HIF1A: variants seen among roughly 807,000 people sequenced by gnomAD.
HIF1A encodes hypoxia inducible factor 1 subunit alpha, also known as hypoxia-inducible factor 1-alpha.
Under a neutral mutation model 92.7 loss-of-function variants are expected in HIF1A, and 24 were observed. The ratio of observed to expected loss-of-function variants is 0.26; its 90% CI spans 0.19 to 0.36. HIF1A has a LOEUF of 0.36. Ranked by LOEUF, HIF1A falls within the 10% of genes least tolerant of loss-of-function variation. The pLI is 1.00. For missense variants in HIF1A, 799 were observed against 998.5 expected, an observed-to-expected ratio of 0.80 and a Z score of 2.69; for synonymous variants, 319 against 338.7, an observed-to-expected ratio of 0.94 and a Z score of 0.64.
intron 7 of HIF1A, among the ~76,000 whole-genome samples, chr14:61,732,778 T>C (rs1025390012): frequency 2.6e-5 from 4 of 152,220 alleles, no homozygotes; most frequent in African/African-American, 9.6e-5. Context: ...CCAAATATTA[T>C]AGAGTATTGA....
intron 14 of HIF1A, among the ~76,000 whole-genome samples, chr14:61,746,396 T>TC (rs71117852): frequency 0.63 from 82,571 of 130,378 alleles, 30,248 homozygotes; most frequent in East Asian, 0.79. Flanking sequence ...TGACTTCTTT[T>TC]TTTTTTTTTT....
intron 1 of HIF1A, among the ~76,000 whole-genome samples, chr14:61,702,402 T>C (rs1024089335): frequency 4.1e-5 from 6 of 147,922 alleles, no homozygotes; most frequent in African/African-American, 1.0e-4. Flanking sequence ...ATCGCGCCAC[T>C]GCACTCCAGC....
At chr14:61,735,838 C>G (rs946552456) in intron 8 of HIF1A, among the ~76,000 whole-genome samples, 2 of 152,118 alleles carry the variant, frequency 1.3e-5, no homozygotes, top group Non-Finnish European at 2.9e-5. Flanking sequence ...TTAGATCATG[C>G]CTCACATATT....
intron 13 of HIF1A, among the ~76,000 whole-genome samples, chr14:61,745,204 C>A (rs1374422731): frequency 2.0e-5 from 3 of 152,140 alleles, no homozygotes; most frequent in Non-Finnish European, 4.4e-5. Context: ...ATGAGGATCA[C>A]TTGAGGTCAG....
intron 1 of HIF1A, among the ~76,000 whole-genome samples, chr14:61,712,713 AG>A (rs756739684): frequency 7.3e-5 from 11 of 151,642 alleles, no homozygotes; most frequent in Non-Finnish European, 1.3e-4. Flanking sequence ...AGCACAAATC[AG>A]GGATTCCCAA....
intron 1 of HIF1A, among the ~76,000 whole-genome samples, chr14:61,719,980 T>C (rs1342513215): frequency 6.6e-6 from 1 of 152,242 alleles, no homozygotes; most frequent in African/African-American, 2.4e-5. Context: ...TGTACAACTT[T>C]AGGTAGTTTC....
intron 1 of HIF1A, among the ~76,000 whole-genome samples, chr14:61,712,774 CAT>C (rs1380866411): frequency 6.6e-6 from 1 of 151,118 alleles, no homozygotes; most frequent in Non-Finnish European, 1.5e-5. Flanking sequence ...AAATCAAAGT[CAT>C]AGCAGATTTG....
intron 4 of HIF1A, among the ~76,000 whole-genome samples, chr14:61,725,166 T>C (rs1447895010): frequency 6.6e-6 from 1 of 152,210 alleles, no homozygotes; most frequent in Non-Finnish European, 1.5e-5. Context: ...CTAGAAATTA[T>C]CTTCTAAGCT....
At chr14:61,744,882 TGTGTGTGTGTGTTTCCAC>T in intron 13 of HIF1A, 69 bp downstream of exon 13, 2 of 649,920 alleles carry the variant, frequency 3.1e-6, no homozygotes, top group Admixed American at 2.8e-5. Context: ...TGTGTGTGTG[TGTGTGTGTGTGTTTCCAC>T]GTTTCTTCCA....
chr14:61,707,178 G>C (rs913738741), intron 1 of HIF1A, among the ~76,000 whole-genome samples: 2 of 152,148 alleles, frequency 1.3e-5, no homozygotes, highest in Admixed American at 1.3e-4. Flanking sequence ...GCTCAGAGTG[G>C]TCCCCAGATT....
intron 4 of HIF1A, 43 bp from the exon 5 acceptor site, chr14:61,726,663 G>A (rs760671313): frequency 1.1e-5 from 14 of 1,223,324 alleles, no homozygotes; most frequent in Non-Finnish European, 1.5e-5. Context: ...TAACAAATTT[G>A]TATATTTAGT....
chr14:61,739,082 T>C (rs2044674893), intron 10 of HIF1A, among the ~76,000 whole-genome samples: 1 of 152,158 alleles, frequency 6.6e-6, no homozygotes, highest in Non-Finnish European at 1.5e-5. Context: ...AACTGTCTGG[T>C]AGCAATAGAC....
intron 4 of HIF1A, among the ~76,000 whole-genome samples, chr14:61,725,907 C>T (rs1159638147): frequency 6.6e-6 from 1 of 151,716 alleles, no homozygotes; most frequent in Non-Finnish European, 1.5e-5. Flanking sequence ...GCAACCTCTG[C>T]CTCCCACGTT....
chr14:61,736,113 G>C (rs1396454476), intron 8 of HIF1A, among the ~76,000 whole-genome samples: 1 of 151,422 alleles, frequency 6.6e-6, no homozygotes, highest in Non-Finnish European at 1.5e-5. Flanking sequence ...CAAGTAGCTG[G>C]GACTACAGGT....
At position 61,726,499 on chromosome 14, in the gene HIF1A, A is replaced by T. The variant is rs1021654996; in HGVS notation, c.458-207A>T. 2.5e-5 allele frequency: 9 copies of T among 364,922 alleles called. No homozygotes were observed. In the East Asian group the frequency reaches 3.6e-4, roughly 15 times the overall value. 22.6% of individuals were successfully genotyped at this position (364,922 alleles called of 1,614,324 possible). A position where few individuals can be genotyped will look rare whatever the true frequency, so the allele number is the denominator to read the frequency against. On this transcript the variant is annotated intron_variant, in intron 4 of 14. Coordinates refer to ENST00000337138, the MANE Select transcript of HIF1A (RefSeq NM_001530.4). ...CCCAAATATGGATTATCTTTCAGCC[A>T]ACTCAGGGAATCACAGCTACTGAGT...
Position 61,735,424 on chromosome 14 carries a change from C to G in HIF1A, c.1028+1139C>G, listed in dbSNP as rs73331683. Among the ~76,000 whole-genome samples, 691 of 152,264 alleles carry G rather than the reference C, an allele frequency of 4.5e-3. 10 individuals carry two copies. The highest frequency in any genetic ancestry group is 0.016 in the African/African-American group (662 of 41,538). On this transcript the variant is annotated intron_variant, in intron 8 of 14. Coordinates refer to ENST00000337138, the MANE Select transcript of HIF1A (RefSeq NM_001530.4). ...TGTAAGAATCTTCCACTTGGAATGT[C>G]TTTCTCTTCCTCACACCCCAGTCTG...
chr14:61,746,446 G>A (rs2044791294), intron 14 of HIF1A, among the ~76,000 whole-genome samples: 1 of 132,412 alleles, frequency 7.6e-6, no homozygotes, highest in South Asian at 2.3e-4. Flanking sequence ...GCCCAGGCCT[G>A]GAGTGCAGTG....
At chr14:61,710,454 A>G (rs920498045) in intron 1 of HIF1A, among the ~76,000 whole-genome samples, 13 of 152,252 alleles carry the variant, frequency 8.5e-5, no homozygotes, top group Non-Finnish European at 1.9e-4. Flanking sequence ...GAATACATCA[A>G]TAACATTCTC....
At chr14:61,745,934 A>T in intron 14 of HIF1A, 117 bp downstream of exon 14, 1 of 984,048 alleles carries the variant, frequency 1.0e-6, no homozygotes, top group Non-Finnish European at 1.5e-6. Flanking sequence ...ATTAAAAAGT[A>T]AAGTTGTGGC....
Sources: gnomAD v4.1 joint callset for allele counts (sites outside exome capture counted in the v4.1 genomes callset) on GRCh38, gnomAD v4.1.1 for gene constraint, MANE v1.5 for transcripts, NCBI Gene and HGNC (gene_info 2026-07-23, HGNC 2026-07-21) for gene names.